The following NCAPG2 variants were observed in gnomAD, a reference collection of about 807,000 sequenced individuals.
NCAPG2 encodes non-SMC condensin II complex subunit G2.
In NCAPG2, 53 loss-of-function variants were observed where a neutral mutation model predicts 141.1. The ratio of observed to expected loss-of-function variants is 0.38; its 90% CI spans 0.30 to 0.47. The LOEUF (loss-of-function observed/expected upper bound fraction) is 0.47. Among genes scored for constraint, NCAPG2 ranks in the 20% least tolerant of loss-of-function variants. NCAPG2 has a pLI of 0.99. For synonymous variants in NCAPG2, 499 were observed against 490.7 expected (o/e 1.02, Z -0.22); for missense variants, 1,087 against 1,389.0 (o/e 0.78, Z 3.46).
Position 158,652,298 on chromosome 7 carries a change from G to C in NCAPG2, c.2929C>G (p.Leu977Val), listed in dbSNP as rs1450934117. The C allele has an allele frequency of 1.2e-6, 2 of 1,613,398 alleles. No homozygotes were observed. ...RSFRKQPEEGLRLLYSVQRPL... is the reference protein window; with the variant it reads ...RSFRKQPEEGVRLLYSVQRPL... Reference sequence around the variant, plus strand: ...TCCTGGGGAGTTCTGAGTACCCGCAGGCCTTCTTCCGGCTGCTTCCTGAAG... The same window carrying C: ...TCCTGGGGAGTTCTGAGTACCCGCACGCCTTCTTCCGGCTGCTTCCTGAAG... The change falls in exon 23 of 28, where the codon CTG (leucine) becomes GTG (valine). Residue 977 changes from leucine (L) to valine (V), a missense_variant. Transcript: ENST00000356309.
In NCAPG2 at chr7:158,656,418, T is replaced by C; in HGVS notation, c.2230A>G (p.Lys744Glu). 2 of 1,613,960 alleles carry C rather than the reference T, an allele frequency of 1.2e-6. No homozygotes were observed. The highest frequency in any genetic ancestry group is 1.7e-6 in the Non-Finnish European group (2 of 1,179,980). Reference protein sequence around the residue: ...HAQAKSNTASKGRVQIHDTRP... With the variant: ...HAQAKSNTASEGRVQIHDTRP... ...GTGTCATGGATCTGCACCCTACCTT[T>C]AGAAGCTGTGTTGCTCTGAAAGAAG... The change falls in exon 19 of 28, where the codon AAA becomes GAA. Residue 744 changes from lysine to glutamate, a missense_variant. Lys to Glu is a moderately conservative substitution (Grantham distance 56). Coordinates refer to ENST00000356309, the MANE Select transcript of NCAPG2 (RefSeq NM_017760.7).
chr7:158,690,592 T>C lies in NCAPG2; in HGVS notation c.513A>G (p.Leu171=), dbSNP rs758573817. Residue 171 remains leucine (L), a synonymous_variant, in exon 5 of 28, where the codon CTA becomes CTG. Coordinates refer to ENST00000356309, the MANE Select transcript of NCAPG2 (RefSeq NM_017760.7). ...CTGTCTTAGTCTCCAGACTCCTCCTTAGTAACATGACAAAGGCTGTCTTTC... is the reference window on the plus strand; with the variant it reads ...CTGTCTTAGTCTCCAGACTCCTCCTCAGTAACATGACAAAGGCTGTCTTTC... The part of the protein sequence containing the change: ...DTGKTAFVML[L]RRSLETKTGA... 18 of 1,614,010 alleles carry C rather than the reference T, an allele frequency of 1.1e-5. No homozygotes were observed. The highest frequency in any genetic ancestry group is 1.4e-5 in the Non-Finnish European group (17 of 1,179,996).
At chr7:158,669,767 T>TA (rs1563545647) in intron 13 of NCAPG2, among the ~76,000 whole-genome samples, 1 of 20,460 alleles carries the variant, frequency 4.9e-5, no homozygotes, top group Non-Finnish European at 7.3e-5. Flanking sequence ...AGACTCTGTC[T>TA]CAAAAAAAAA....
Position 158,693,455 on chromosome 7 carries a change from C to A in NCAPG2, c.121G>T (p.Glu41Ter). 1 of 1,613,908 alleles carries A rather than the reference C, an allele frequency of 6.2e-7. No individual in the cohort carries two copies. The highest frequency in any genetic ancestry group is 8.5e-7 in the Non-Finnish European group (1 of 1,179,868). ...TCTTCTTTCTGTTTCCTTGATAATT[C>A]ATCTAGTAATTCATTTAGGCTGAAA... ...DPFSLNELLD[E>*]LSRKQKEELW... The change falls in exon 3 of 28, where the codon GAA becomes TAA. Residue 41 changes from glutamate (E) to a stop codon, truncating the protein, a stop_gained. Transcript: ENST00000356309. LOFTEE classifies it high-confidence loss of function.
intron 9 of NCAPG2, among the ~76,000 whole-genome samples, 199 bp downstream of exon 9, chr7:158,683,101 A>G (rs1834539830): frequency 6.6e-6 from 1 of 152,240 alleles, no homozygotes; most frequent in Admixed American, 6.5e-5. Context: ...AATACTAACC[A>G]TCTCAACAAT....
Position 158,693,449 on chromosome 7 carries a change from A to G in NCAPG2, c.127T>C (p.Ser43Pro), listed in dbSNP as rs753598177. 9 of 1,613,912 alleles carry G rather than the reference A, an allele frequency of 5.6e-6. No individual in the cohort carries two copies. In the East Asian group the frequency reaches 1.8e-4, roughly 32 times the overall value. Reference protein sequence around the residue: ...FSLNELLDELSRKQKEELWQR... With the variant: ...FSLNELLDELPRKQKEELWQR... ...CATAATTCTTCTTTCTGTTTCCTTG[A>G]TAATTCATCTAGTAATTCATTTAGG... Residue 43 changes from serine (S) to proline (P), a missense_variant, in exon 3 of 28, where the codon TCA (serine) becomes CCA (proline). Coordinates refer to ENST00000356309, the MANE Select transcript of NCAPG2 (RefSeq NM_017760.7).
At chr7:158,642,632 A>C (rs925425899) in intron 27 of NCAPG2, among the ~76,000 whole-genome samples, 1 of 152,192 alleles carries the variant, frequency 6.6e-6, no homozygotes, top group African/African-American at 2.4e-5. Flanking sequence ...TGCTTACAGG[A>C]AAATTTATAG....
chr7:158,644,420 CTT>C (rs1830854504), intron 26 of NCAPG2, 32 bp from the exon 27 acceptor site: 4 of 1,550,288 alleles, frequency 2.6e-6, no homozygotes, highest in Non-Finnish European at 3.6e-6. Context: ...ACAGAAAAGA[CTT>C]TAACATCACT....
At chr7:158,651,699 C>T (rs1831506275) in intron 23 of NCAPG2, among the ~76,000 whole-genome samples, 1 of 152,126 alleles carries the variant, frequency 6.6e-6, no homozygotes, top group African/African-American at 2.4e-5. Context: ...ATATGAAGTG[C>T]TTATACAACA....
intron 12 of NCAPG2, among the ~76,000 whole-genome samples, chr7:158,672,593 G>T (rs779656615): frequency 1.3e-5 from 2 of 151,538 alleles, no homozygotes; most frequent in African/African-American, 4.9e-5. Context: ...TGCCCGCCTC[G>T]GCCTCCCAAA....
intron 19 of NCAPG2, among the ~76,000 whole-genome samples, chr7:158,655,853 C>T (rs764997747): frequency 3.8e-4 from 54 of 142,252 alleles, no homozygotes; most frequent in Middle Eastern, 7.2e-3. Context: ...TGACGGCCTC[C>T]GTGGGACAGC....
intron 7 of NCAPG2, among the ~76,000 whole-genome samples, chr7:158,687,082 T>G (rs567623451): frequency 1.3e-5 from 2 of 152,304 alleles, no homozygotes; most frequent in East Asian, 3.9e-4. Context: ...CATGGCTTTA[T>G]TACGAGCGAG....
At chr7:158,687,109 A>G (rs536508458) in intron 7 of NCAPG2, among the ~76,000 whole-genome samples, 2 of 152,342 alleles carry the variant, frequency 1.3e-5, no homozygotes, top group Admixed American at 1.3e-4. Context: ...GTTCAACTGG[A>G]AACTATTTTA....
intron 27 of NCAPG2, among the ~76,000 whole-genome samples, chr7:158,638,711 C>T (rs193003844): frequency 1.7e-4 from 26 of 152,210 alleles, no homozygotes; most frequent in Non-Finnish European, 3.5e-4. Flanking sequence ...TGGACAAATT[C>T]ACAAGCATAA....
At chr7:158,639,421 T>C (rs966989234) in intron 27 of NCAPG2, among the ~76,000 whole-genome samples, 1 of 152,226 alleles carries the variant, frequency 6.6e-6, no homozygotes, top group Admixed American at 6.5e-5. Flanking sequence ...GAGTGCATTT[T>C]ATAACAATTA....
intron 4 of NCAPG2, 123 bp downstream of exon 4, chr7:158,692,719 C>T (rs1835205315): frequency 2.7e-6 from 2 of 741,958 alleles, no homozygotes; most frequent in Non-Finnish European, 4.5e-6. Flanking sequence ...CCTGCCTAGG[C>T]AACAAGAGCG....
At chr7:158,638,592 A>G (rs1478208900) in intron 27 of NCAPG2, among the ~76,000 whole-genome samples, 1 of 151,942 alleles carries the variant, frequency 6.6e-6, no homozygotes, top group Non-Finnish European at 1.5e-5. Flanking sequence ...ACCCTTTATT[A>G]AAATAAAAGG....
intron 1 of NCAPG2, 53 bp from the exon 2 acceptor site, chr7:158,701,991 A>G (rs541240284): frequency 8.7e-7 from 1 of 1,155,206 alleles, no homozygotes; most frequent in South Asian, 1.5e-5. Flanking sequence ...CTTTTCCTGT[A>G]AGATTTAATT....
chr7:158,690,847 T>C (rs1835074147), intron 4 of NCAPG2, 125 bp from the exon 5 acceptor site: 8 of 828,564 alleles, frequency 9.7e-6, no homozygotes, highest in Non-Finnish European at 1.4e-5. Flanking sequence ...ATATTAGTTA[T>C]GTTTAACTTG....
Sources: gnomAD v4.1 joint callset for allele counts (sites outside exome capture counted in the v4.1 genomes callset) on GRCh38, gnomAD v4.1.1 for gene constraint, MANE v1.5 for transcripts, NCBI Gene and HGNC (gene_info 2026-07-23, HGNC 2026-07-21) for gene names.